The following TPD52L2 variants were observed in gnomAD, a reference collection of about 807,000 sequenced individuals.
TPD52L2 encodes the protein TPD52 like 2.
Under a neutral mutation model 24.7 loss-of-function variants are expected in TPD52L2, and 19 were observed. The ratio of observed to expected loss-of-function variants is 0.77; its 90% CI spans 0.54 to 1.13. The LOEUF is 1.13. TPD52L2 is among the 50% of genes most tolerant of loss of function. The pLI is 0.00. For synonymous variants in TPD52L2, 104 were observed against 100.2 expected, an observed-to-expected ratio of 1.04 and a Z score of -0.23; for missense variants, 236 against 250.4, an observed-to-expected ratio of 0.94 and a Z score of 0.39.
chr20:63,875,133 C>T (rs1424924904), intron 3 of TPD52L2, among the ~76,000 whole-genome samples: 2 of 147,186 alleles, frequency 1.4e-5, no homozygotes, highest in Non-Finnish European at 3.0e-5. Context: ...CAGAGCAAGA[C>T]TCTGTCTCAA....
Position 63,865,290 on chromosome 20 carries a change from A to G in TPD52L2, c.-76A>G, listed in dbSNP as rs1017170092. 46 of 1,470,614 alleles carry G rather than the reference A, an allele frequency of 3.1e-5. No individual in the cohort carries two copies. The African/African-American group carries it at 4.9e-4, about 16-fold the overall frequency. 91.1% of individuals were successfully genotyped at this position (1,470,614 alleles called of 1,614,324 possible). On this transcript the variant is annotated 5_prime_UTR_variant, in exon 1 of 7. Coordinates refer to ENST00000346249, the MANE Select transcript of TPD52L2 (RefSeq NM_003288.4). ...GAGGCAGTTCCGCTGGCTAGTGTGT[A>G]CGCGGCGAGCTTCTCCCGGCGCCGC...
At chr20:63,887,751 C>T in intron 5 of TPD52L2, 4 of 788,188 alleles carry the variant, frequency 5.1e-6, no homozygotes, top group Non-Finnish European at 8.5e-6. Flanking sequence ...TGACTAAGGG[C>T]CGGTAAAAAC....
intron 4 of TPD52L2, chr20:63,876,565 G>A: frequency 2.8e-6 from 1 of 356,214 alleles, no homozygotes. Flanking sequence ...CTGAGGAGGG[G>A]AATATTTTTA....
At chr20:63,876,600 T>C (rs1330571562) in intron 4 of TPD52L2, 9 of 363,080 alleles carry the variant, frequency 2.5e-5, no homozygotes, top group South Asian at 1.8e-4. Flanking sequence ...GATTTTTTCA[T>C]CTGTTATTTA....
intron 4 of TPD52L2, among the ~76,000 whole-genome samples, chr20:63,879,763 T>G: frequency 1.7e-5 from 1 of 59,592 alleles, no homozygotes; most frequent in Admixed American, 1.7e-4. Context: ...GGTGCAGCTT[T>G]CCCATCCCCA....
intron 5 of TPD52L2, among the ~76,000 whole-genome samples, chr20:63,885,748 T>C (rs2053068375): frequency 6.6e-6 from 1 of 152,240 alleles, no homozygotes; most frequent in Non-Finnish European, 1.5e-5. Context: ...CAGGGGCCTC[T>C]TGGGCACAGC....
At chr20:63,868,434 C>T (rs541760213) in intron 1 of TPD52L2, among the ~76,000 whole-genome samples, 8 of 152,174 alleles carry the variant, frequency 5.3e-5, no homozygotes, top group South Asian at 4.1e-4. Context: ...GGCAGCACAC[C>T]GCTCTGCACC....
intron 3 of TPD52L2, among the ~76,000 whole-genome samples, chr20:63,875,542 T>C (rs936111200): frequency 2.0e-5 from 3 of 152,244 alleles, no homozygotes; most frequent in African/African-American, 2.4e-5. Flanking sequence ...CCCACAGCAG[T>C]GCTGTTGCCC....
intron 4 of TPD52L2, 81 bp downstream of exon 4, chr20:63,875,956 CTTGG>C: frequency 2.2e-6 from 3 of 1,391,330 alleles, no homozygotes; most frequent in Non-Finnish European, 3.0e-6. Flanking sequence ...GCTGTGCACA[CTTGG>C]CACAAAGCTT....
In TPD52L2 at chr20:63,871,196, C is replaced by T. The variant is rs553383270; in HGVS notation, c.165+1755C>T. The stretch of plus-strand genomic sequence containing the variant: ...TAGGTGGGATTACAGACGCCTGCCA[C>T]CACACCTGGCTAATTTTTGTATTTT... On this transcript the variant is annotated intron_variant, in intron 2 of 6. Transcript: ENST00000346249. Among the ~76,000 whole-genome samples the T allele has an allele frequency of 1.1e-4, 16 of 151,376 alleles. No homozygotes were observed. The South Asian group carries it at 3.3e-3, about 32-fold the overall frequency.
At chr20:63,887,726 C>G in intron 5 of TPD52L2, 5 of 1,012,426 alleles carry the variant, frequency 4.9e-6, no homozygotes, top group Non-Finnish European at 7.5e-6. Context: ...ACTCCATTCC[C>G]TTGGCAACCT....
chr20:63,884,848 G>A (rs956218534), intron 5 of TPD52L2, among the ~76,000 whole-genome samples: 2 of 152,192 alleles, frequency 1.3e-5, no homozygotes, highest in African/African-American at 4.8e-5. Flanking sequence ...CGCTCCAGTT[G>A]GCTGGCCGTG....
rs2052948111 is a variant in TPD52L2 at position 63,882,716 on chromosome 20, C to T, written c.375-3C>T. Reference sequence around the variant, plus strand: ...TGGTTGATTTAACTGGTGTGTCTTCCAGCTACAAGAAGACTCAGGAAACTC... The same window carrying T: ...TGGTTGATTTAACTGGTGTGTCTTCTAGCTACAAGAAGACTCAGGAAACTC... On this transcript the variant is annotated splice_polypyrimidine_tract_variant and splice_region_variant and intron_variant, in intron 4 of 6. Transcript: ENST00000346249. The T allele has an allele frequency of 2.5e-6, 4 of 1,612,018 alleles. No homozygotes were observed. The highest frequency in any genetic ancestry group is 3.4e-6 in the Non-Finnish European group (4 of 1,178,160).
chr20:63,881,216 C>T (rs2052884620), intron 4 of TPD52L2, among the ~76,000 whole-genome samples: 1 of 152,152 alleles, frequency 6.6e-6, no homozygotes, highest in Non-Finnish European at 1.5e-5. Flanking sequence ...ACAAATTTAG[C>T]AGGGCGTGGT....
rs1468939302 is a variant in TPD52L2 at position 63,875,808 on chromosome 20, G to C, written c.315-8G>C. 6.8e-6 allele frequency: 11 copies of C among 1,613,836 alleles called. No individual in the cohort carries two copies. Among genetic ancestry groups the C allele is most frequent in the Non-Finnish European group, 9.3e-6 (11 of 1,179,906 alleles). Reference sequence around the variant, plus strand: ...CTAAATAATTCACTGTAGACTTTCTGTTTTTAGCTATGTGAAAACTTCTGA... The same window carrying C: ...CTAAATAATTCACTGTAGACTTTCTCTTTTTAGCTATGTGAAAACTTCTGA... On this transcript the variant is annotated splice_polypyrimidine_tract_variant and splice_region_variant and intron_variant, in intron 3 of 6. Coordinates refer to ENST00000346249, the MANE Select transcript of TPD52L2 (RefSeq NM_003288.4).
At position 63,865,335 on chromosome 20, in the gene TPD52L2, C is replaced by T. The variant is rs112499322; in HGVS notation, c.-31C>T. On this transcript the variant is annotated 5_prime_UTR_variant, in exon 1 of 7. Transcript: ENST00000346249. The stretch of plus-strand genomic sequence containing the variant: ...CGCCGCCCGCTCGGCTCCCATAGCG[C>T]CCGCGACAGCGGTCCGGACGCCGCC... 71 of 1,521,096 alleles carry T rather than the reference C, an allele frequency of 4.7e-5. No individual in the cohort carries two copies. In the African/African-American group the frequency reaches 8.7e-4, roughly 19 times the overall value. 94.2% of individuals were successfully genotyped at this position (1,521,096 alleles called of 1,614,324 possible). A position where few individuals can be genotyped will look rare whatever the true frequency, so the allele number is the denominator to read the frequency against.
At chr20:63,873,270 A>G (rs529126920) in intron 2 of TPD52L2, among the ~76,000 whole-genome samples, 1 of 152,060 alleles carries the variant, frequency 6.6e-6, no homozygotes, top group Admixed American at 6.5e-5. Flanking sequence ...TGGGAGGATC[A>G]CCTGAGGTTG....
rs1293831860 is a variant in TPD52L2 at position 63,877,754 on chromosome 20, A to G, written c.374+1879A>G. ...CCTCTGGAGAAACCTGTGGCTCAGC[A>G]TGGAAGCATATGGCCAGTGCATCAC... On this transcript the variant is annotated intron_variant, in intron 4 of 6. Transcript: ENST00000346249. This position sits in a 1 kb window ranked among gnomAD's most constrained non-coding sequence, Gnocchi z 4.1. Among the ~76,000 whole-genome samples the G allele has an allele frequency of 2.0e-5, 3 of 152,278 alleles. No homozygotes were observed. The highest frequency in any genetic ancestry group is 7.2e-5 in the African/African-American group (3 of 41,482).
Position 63,882,772 on chromosome 20 carries a change from C to T in TPD52L2, c.428C>T (p.Ala143Val), listed in dbSNP as rs779013225. Residue 143 changes from alanine to valine, a missense_variant, in exon 5 of 7, where the codon GCC becomes GTC. Transcript: ENST00000346249. ...LSQAGQKTSAALSTVGSAISR... is the reference protein window; with the variant it reads ...LSQAGQKTSAVLSTVGSAISR... The stretch of plus-strand genomic sequence containing the variant: ...CAGGCAGGACAGAAGACTTCAGCTG[C>T]CCTGTCCACAGTGGGCTCTGCCATC... The T allele has an allele frequency of 3.1e-6, 5 of 1,613,982 alleles. No individual in the cohort carries two copies. In the Admixed American group the frequency reaches 8.3e-5, roughly 27 times the overall value.
Sources: allele counts gnomAD v4.1 joint callset (sites outside exome capture counted in the v4.1 genomes callset), GRCh38; gene constraint gnomAD v4.1.1; non-coding constraint Gnocchi (gnomAD v3.1); transcripts MANE v1.5; gene names NCBI Gene and HGNC (gene_info 2026-07-23, HGNC 2026-07-21).